SORBS2: variants seen among roughly 807,000 people sequenced by gnomAD.
SORBS2 encodes the protein sorbin and SH3 domain-containing protein 2.
Under a neutral mutation model 97.7 loss-of-function variants are expected in SORBS2, and 46 were observed. The observed-to-expected ratio is 0.47, with a 90% CI of 0.37 to 0.60. The LOEUF is 0.60. SORBS2 is among the 20% of genes least tolerant of loss of function. The pLI is 0.00. For missense variants in SORBS2, 1,316 were observed against 1,282.3 expected, an observed-to-expected ratio of 1.03 and a Z score of -0.40; for synonymous variants, 476 against 473.4, an observed-to-expected ratio of 1.01 and a Z score of -0.07.
chr4:185,856,594 C>G (rs945602228), intron 1 of SORBS2, among the ~76,000 whole-genome samples: 46 of 151,962 alleles, frequency 3.0e-4, no homozygotes, highest in Admixed American at 6.6e-5. Flanking sequence ...TTCTATTTTC[C>G]TTTACTATGG....
At chr4:185,682,847 C>G (rs774192831) in intron 2 of SORBS2, among the ~76,000 whole-genome samples, 1 of 151,578 alleles carries the variant, frequency 6.6e-6, no homozygotes, top group Admixed American at 6.6e-5. Flanking sequence ...CAGGTCTCTA[C>G]TAAAAAAAAT....
At chr4:185,783,657 A>T (rs1419875141) in intron 1 of SORBS2, among the ~76,000 whole-genome samples, 1 of 152,158 alleles carries the variant, frequency 6.6e-6, no homozygotes, top group African/African-American at 2.4e-5. Context: ...CCTCGGGGTA[A>T]GCAGAAGTAG....
intron 12 of SORBS2, among the ~76,000 whole-genome samples, chr4:185,604,800 A>G (rs1478539457): frequency 6.6e-6 from 1 of 152,174 alleles, no homozygotes; most frequent in Admixed American, 6.5e-5. Flanking sequence ...ATATATTTAT[A>G]TGATGGCTCC....
At chr4:185,704,526 C>T (rs899198604) in intron 2 of SORBS2, among the ~76,000 whole-genome samples, 3 of 152,056 alleles carry the variant, frequency 2.0e-5, no homozygotes, top group Non-Finnish European at 2.9e-5. Context: ...ACCATGTTGG[C>T]TAGGCTAGTC....
chr4:185,942,553 G>A (rs1207119328), intron 1 of SORBS2, among the ~76,000 whole-genome samples: 1 of 152,064 alleles, frequency 6.6e-6, no homozygotes. Context: ...GTTTCACCAT[G>A]TTGGTCAGGC....
At chr4:185,712,722 C>T (rs949106018) in intron 2 of SORBS2, among the ~76,000 whole-genome samples, 2 of 152,198 alleles carry the variant, frequency 1.3e-5, no homozygotes, top group East Asian at 1.9e-4. Flanking sequence ...AAGCGGCCAG[C>T]GGGTTCCAGC....
At chr4:185,658,789 T>C (rs2097455487), upstream of SORBS2, among the ~76,000 whole-genome samples, 1 of 151,072 alleles carries the variant, frequency 6.6e-6, no homozygotes, top group South Asian at 2.1e-4. Context: ...CAAGCGATTC[T>C]CCTGCCTCAG....
intron 1 of SORBS2, among the ~76,000 whole-genome samples, chr4:185,829,920 G>T (rs1000979061): frequency 5.9e-5 from 9 of 152,088 alleles, no homozygotes; most frequent in African/African-American, 1.9e-4. Flanking sequence ...TAAATCTTCA[G>T]CTCAAATGAC....
intron 2 of SORBS2, among the ~76,000 whole-genome samples, chr4:185,737,625 C>T (rs80104049): frequency 6.6e-6 from 1 of 152,184 alleles, no homozygotes; most frequent in Non-Finnish European, 1.5e-5. Flanking sequence ...GGGGTGGGGC[C>T]GTGAGCAGGG....
intron 1 of SORBS2, among the ~76,000 whole-genome samples, chr4:185,886,563 A>AAAAAAAAGAAAAGAAAAG (rs2099239685): frequency 2.3e-4 from 29 of 127,542 alleles, no homozygotes; most frequent in Admixed American, 7.7e-5. Flanking sequence ...TCAAAAAAAA[A>AAAAAAAAGAAAAGAAAAG]AAAAAAAAAA....
upstream of SORBS2, among the ~76,000 whole-genome samples, chr4:185,660,751 T>C (rs1228568283): frequency 6.6e-6 from 1 of 152,124 alleles, no homozygotes; most frequent in Non-Finnish European, 1.5e-5. Context: ...TGGGTTTTAG[T>C]TTCTTTCCCC....
intron 2 of SORBS2, among the ~76,000 whole-genome samples, chr4:185,769,087 A>AT (rs2098954386): frequency 8.4e-6 from 1 of 118,672 alleles, no homozygotes; most frequent in African/African-American, 3.5e-5. Flanking sequence ...ACCAGGGAAA[A>AT]AAAAAAGTCA....
intron 1 of SORBS2, among the ~76,000 whole-genome samples, chr4:185,832,636 T>G (rs2153673909): frequency 6.6e-6 from 1 of 152,348 alleles, no homozygotes. Context: ...TATCTTAAAG[T>G]TACTCTCATC....
chr4:185,732,573 C>T (rs1443712005), intron 2 of SORBS2, among the ~76,000 whole-genome samples: 1 of 152,128 alleles, frequency 6.6e-6, no homozygotes, highest in Admixed American at 6.5e-5. Flanking sequence ...CCTCCTGGGG[C>T]CCCTGCAGAG....
At chr4:185,850,143 A>G (rs1396976806) in intron 1 of SORBS2, among the ~76,000 whole-genome samples, 1 of 152,196 alleles carries the variant, frequency 6.6e-6, no homozygotes, top group Non-Finnish European at 1.5e-5. Context: ...GAAGATGCCT[A>G]TGAGACCTAT....
At chr4:185,738,320 G>A (rs2098701166) in intron 2 of SORBS2, among the ~76,000 whole-genome samples, 1 of 152,174 alleles carries the variant, frequency 6.6e-6, no homozygotes, top group South Asian at 2.1e-4. Flanking sequence ...CAGATGACAG[G>A]CGAGGCATTC....
In SORBS2 at chr4:185,835,325, A is replaced by G. The variant is rs28526443; in HGVS notation, c.-337-59959T>C. On this transcript the variant is annotated intron_variant, in intron 1 of 20. Transcript: ENST00000284776. ...AATCATTTTATGAGAAAGGAAGTAA[A>G]CCATAGAATTTAAAATTTAAAATGT... Among the ~76,000 whole-genome samples, 576 of 152,340 alleles carry G rather than the reference A, an allele frequency of 3.8e-3. 5 individuals carry two copies. The highest frequency in any genetic ancestry group is 0.013 in the African/African-American group (545 of 41,572).
At chr4:185,772,682 AG>A (rs1370436414) in intron 2 of SORBS2, 1 of 152,238 alleles carries the variant, frequency 6.6e-6, no homozygotes, top group Non-Finnish European at 1.5e-5. Flanking sequence ...CATTCACATT[AG>A]GATTGAACCT....
Position 185,734,520 on chromosome 4 carries a change from TA to T in SORBS2, c.-198+40706del, listed in dbSNP as rs531541589. ...TCCTCTTTCCTTGCCCCCTATTTCA[TA>T]CAAAATTCCTCTGACAAAGCTTCCT... On this transcript the variant is annotated intron_variant, in intron 2 of 20. Coordinates refer to the SORBS2 transcript ENST00000284776. 7.2e-4 allele frequency among the ~76,000 whole-genome samples: 109 copies of T among 152,284 alleles called. 2 individuals carry two copies. The highest frequency in any genetic ancestry group is 2.5e-3 in the African/African-American group (103 of 41,566).
Sources: allele counts gnomAD v4.1 joint callset (sites outside exome capture counted in the v4.1 genomes callset), GRCh38; gene constraint gnomAD v4.1.1; transcripts MANE v1.5; gene names NCBI Gene and HGNC (gene_info 2026-07-23, HGNC 2026-07-21).